The following COPG2 variants were observed in gnomAD, a reference collection of about 807,000 sequenced individuals.
The protein encoded by COPG2 is coatomer subunit gamma-2.
Under a neutral mutation model 46.3 loss-of-function variants are expected in COPG2, and 37 were observed. The ratio of observed to expected loss-of-function variants is 0.80; its 90% CI spans 0.61 to 1.05. The LOEUF is 1.05. Among genes scored for constraint, COPG2 ranks in the 50% least tolerant of loss-of-function variants. COPG2 has a pLI of 0.00. For missense variants in COPG2, 427 were observed against 387.8 expected, an observed-to-expected ratio of 1.10 and a Z score of -0.85; for synonymous variants, 159 against 129.7, an observed-to-expected ratio of 1.23 and a Z score of -1.53.
intron 4 of COPG2, among the ~76,000 whole-genome samples, chr7:130,659,847 G>T (rs1016197684): frequency 6.6e-6 from 1 of 152,144 alleles, no homozygotes; most frequent in Non-Finnish European, 1.5e-5. Context: ...GGGAGGCGGA[G>T]GCTGCAGTGA....
chr7:130,614,014 T>C (rs1479411356), intron 6 of COPG2, among the ~76,000 whole-genome samples: 1 of 152,232 alleles, frequency 6.6e-6, no homozygotes, highest in Non-Finnish European at 1.5e-5. Context: ...GATTCCTCTA[T>C]GTGAAGGGCA....
At chr7:130,521,667 A>G (rs1799725051) in intron 20 of COPG2, among the ~76,000 whole-genome samples, 1 of 152,248 alleles carries the variant, frequency 6.6e-6, no homozygotes, top group Non-Finnish European at 1.5e-5. Context: ...AAGGAAGAAA[A>G]CAAGTGATGG....
chr7:130,577,256 T>A (rs539765593), intron 9 of COPG2, among the ~76,000 whole-genome samples: 5 of 152,330 alleles, frequency 3.3e-5, no homozygotes, highest in Non-Finnish European at 7.4e-5. Context: ...CCATCTGAGG[T>A]ACTGGGTTCA....
At chr7:130,576,527 G>A (rs535395362) in intron 9 of COPG2, among the ~76,000 whole-genome samples, 1 of 152,248 alleles carries the variant, frequency 6.6e-6, no homozygotes, top group East Asian at 1.9e-4. Flanking sequence ...GAACAATAAT[G>A]ACACAACCTA....
At chr7:130,542,603 G>A (rs1247081774) in intron 20 of COPG2, among the ~76,000 whole-genome samples, 1 of 152,096 alleles carries the variant, frequency 6.6e-6, no homozygotes, top group Non-Finnish European at 1.5e-5. Flanking sequence ...AGGACTGGAT[G>A]TTGAAGATGA....
intron 5 of COPG2, among the ~76,000 whole-genome samples, chr7:130,629,038 T>A (rs895799323): frequency 6.6e-6 from 1 of 152,130 alleles, no homozygotes; most frequent in East Asian, 1.9e-4. Context: ...AATTAGTAAG[T>A]CTTTACTTTT....
At chr7:130,560,812 G>A (rs1793706786) in intron 12 of COPG2, among the ~76,000 whole-genome samples, 1 of 152,134 alleles carries the variant, frequency 6.6e-6, no homozygotes, top group Non-Finnish European at 1.5e-5. Context: ...TTGGATCATT[G>A]CCTAAAATGT....
At chr7:130,630,899 T>C (rs1319013653) in intron 5 of COPG2, among the ~76,000 whole-genome samples, 7 of 152,208 alleles carry the variant, frequency 4.6e-5, no homozygotes, top group African/African-American at 1.4e-4. Context: ...CAATCTGAGC[T>C]GGGCACAGTG....
intron 10 of COPG2, among the ~76,000 whole-genome samples, chr7:130,563,682 A>G (rs993844961): frequency 7.0e-6 from 1 of 143,478 alleles, no homozygotes; most frequent in Admixed American, 7.3e-5. Context: ...TGAACCCAGG[A>G]GGCAGAGCTT....
In COPG2 at chr7:130,506,742, G is replaced by A; in HGVS notation, c.2550C>T (p.Thr850=). 1 of 780,552 alleles carries A rather than the reference G, an allele frequency of 1.3e-6. No individual in the cohort carries two copies. The allele number at this position is 780,552 out of a possible 1,614,324, so 48.4% of individuals were successfully genotyped here. ...RSRLALADGV[T]MQVTVRSKER... is the part of the protein sequence containing the mutation. Reference sequence around the variant, plus strand: ...CTTTACTTCTGACAGTCACCTGCATGGTCACTCCATCGGCTAAGGCCAGCC... The same window carrying A: ...CTTTACTTCTGACAGTCACCTGCATAGTCACTCCATCGGCTAAGGCCAGCC... Residue 850 remains threonine (T), a synonymous_variant, in exon 24 of 24, where the codon ACC becomes ACT. Transcript: ENST00000425248.
chr7:130,639,659 C>T (rs1488675349), intron 5 of COPG2, among the ~76,000 whole-genome samples: 4 of 152,228 alleles, frequency 2.6e-5, no homozygotes, highest in African/African-American at 9.6e-5. Flanking sequence ...AGTTCTGCCT[C>T]GCCTTCTGTG....
intron 5 of COPG2, among the ~76,000 whole-genome samples, chr7:130,629,957 G>A (rs180715301): frequency 4.2e-4 from 59 of 141,636 alleles, no homozygotes; most frequent in South Asian, 1.1e-3. Context: ...CGCTCTTGTC[G>A]CCCAGGCTGT....
chr7:130,591,453 C>T (rs1166669393), intron 9 of COPG2, among the ~76,000 whole-genome samples: 1 of 53,612 alleles, frequency 1.9e-5, no homozygotes, highest in Non-Finnish European at 3.7e-5. Flanking sequence ...GGGGGTCAGC[C>T]GCCCGTCCGG....
At chr7:130,639,444 C>G (rs1795418687) in intron 5 of COPG2, among the ~76,000 whole-genome samples, 1 of 152,110 alleles carries the variant, frequency 6.6e-6, no homozygotes, top group African/African-American at 2.4e-5. Context: ...TTTTTCCAAT[C>G]AACAGATACC....
At chr7:130,625,074 T>C (rs1307996936) in intron 5 of COPG2, among the ~76,000 whole-genome samples, 3 of 152,226 alleles carry the variant, frequency 2.0e-5, no homozygotes, top group African/African-American at 4.8e-5. Flanking sequence ...TGCCAACATC[T>C]ATTGTTTTTT....
intron 6 of COPG2, among the ~76,000 whole-genome samples, chr7:130,615,445 G>A (rs184057778): frequency 2.6e-5 from 4 of 152,260 alleles, no homozygotes; most frequent in South Asian, 2.1e-4. Flanking sequence ...CTATGTCTTC[G>A]TTATAGATGC....
chr7:130,509,898 C>T, intron 20 of COPG2: 1 of 481,808 alleles, frequency 2.1e-6, no homozygotes, highest in Non-Finnish European at 4.2e-6. Flanking sequence ...TTAACTGGCT[C>T]TCAAAAGATG....
chr7:130,572,837 G>C (rs1331248711), intron 9 of COPG2, among the ~76,000 whole-genome samples: 2 of 151,444 alleles, frequency 1.3e-5, no homozygotes, highest in African/African-American at 4.8e-5. Context: ...GCAGAAGAAA[G>C]GAAATAATAA....
intron 5 of COPG2, among the ~76,000 whole-genome samples, chr7:130,647,534 G>A (rs1307661221): frequency 6.6e-6 from 1 of 151,986 alleles, no homozygotes; most frequent in Non-Finnish European, 1.5e-5. Flanking sequence ...ACTGGTCACA[G>A]GGCAGGTATA....
Sources: gnomAD v4.1 joint callset for allele counts (sites outside exome capture counted in the v4.1 genomes callset) on GRCh38, gnomAD v4.1.1 for gene constraint, MANE v1.5 for transcripts, NCBI Gene and HGNC (gene_info 2026-07-23, HGNC 2026-07-21) for gene names.